Variants in ZMYND8 observed in about 807,000 individuals in gnomAD.
The protein encoded by ZMYND8 is zinc finger MYND-type containing 8, also known as MYND-type zinc finger-containing chromatin reader ZMYND8.
In ZMYND8, 37 loss-of-function variants were observed where a neutral mutation model predicts 140.8. The ratio of observed to expected loss-of-function variants is 0.26; its 90% CI spans 0.20 to 0.35. The LOEUF is 0.35. Ranked by LOEUF, ZMYND8 falls within the 10% of genes least tolerant of loss-of-function variation. ZMYND8 has a pLI of 1.00. For synonymous variants in ZMYND8, 592 were observed against 597.1 expected (o/e 0.99, Z 0.12); for missense variants, 1,068 against 1,570.0 (o/e 0.68, Z 5.40).
intron 15 of ZMYND8, 92 bp downstream of exon 15, chr20:47,238,666 A>G (rs765442347): frequency 9.2e-6 from 4 of 435,650 alleles, no homozygotes; most frequent in African/African-American, 2.1e-5. Flanking sequence ...AACGAGAACT[A>G]AAAAAAAAAA....
chr20:47,265,420 G>A (rs1361223376), intron 11 of ZMYND8, among the ~76,000 whole-genome samples: 2 of 146,114 alleles, frequency 1.4e-5, no homozygotes, highest in Non-Finnish European at 3.0e-5. Flanking sequence ...TTTCCTGCTC[G>A]ACAGGTCAAG....
chr20:47,262,220 G>A, intron 12 of ZMYND8, 68 bp downstream of exon 12: 6 of 1,606,448 alleles, frequency 3.7e-6, no homozygotes, highest in Non-Finnish European at 5.1e-6. Context: ...ACATACACAA[G>A]AGGATACGTC....
intron 9 of ZMYND8, among the ~76,000 whole-genome samples, chr20:47,282,629 G>A (rs1215988465): frequency 1.3e-5 from 2 of 151,758 alleles, no homozygotes; most frequent in Non-Finnish European, 2.9e-5. Flanking sequence ...AGAGGCTGAG[G>A]CAGGAGAATC....
At chr20:47,221,900 T>C (rs146163924) in intron 19 of ZMYND8, among the ~76,000 whole-genome samples, 1 of 152,266 alleles carries the variant, frequency 6.6e-6, no homozygotes, top group East Asian at 1.9e-4. Flanking sequence ...CTCCTGACCT[T>C]AGGTGATCCA....
At chr20:47,277,305 G>C (rs1326989840) in intron 10 of ZMYND8, among the ~76,000 whole-genome samples, 1 of 152,260 alleles carries the variant, frequency 6.6e-6, no homozygotes, top group Non-Finnish European at 1.5e-5. Context: ...TCGCCTCCAG[G>C]CGTGCACTTT....
intron 14 of ZMYND8, among the ~76,000 whole-genome samples, chr20:47,240,717 G>C (rs1269181126): frequency 6.6e-6 from 1 of 150,926 alleles, no homozygotes; most frequent in African/African-American, 2.4e-5. Context: ...ACCGCACCCA[G>C]CTAATTTTTT....
chr20:47,339,440 A>G (rs1602074879), intron 2 of ZMYND8, among the ~76,000 whole-genome samples: 1 of 152,148 alleles, frequency 6.6e-6, no homozygotes, highest in Middle Eastern at 3.2e-3. Flanking sequence ...AAGTTGATGC[A>G]AATCATAGCT....
intron 11 of ZMYND8, among the ~76,000 whole-genome samples, chr20:47,264,429 A>C (rs941610730): frequency 6.6e-6 from 1 of 152,052 alleles, no homozygotes; most frequent in South Asian, 2.1e-4. Flanking sequence ...GGCTCCTGCT[A>C]TCACACCCGG....
rs1360824166 is a variant in ZMYND8, at chr20:47,238,826, T to G, written c.2597A>C (p.Gln866Pro). The change falls in exon 15 of 23, where the codon CAG becomes CCG. Residue 866 changes from glutamine to proline, a missense_variant. Gln to Pro is a moderately conservative substitution (Grantham distance 76). Around this residue, in one of 10 missense-constraint regions of ZMYND8, gnomAD observed 383 missense variants for 431.2 expected, o/e 0.89. Transcript: ENST00000471951. ...CTGAGGCTGCTGCTGCTGGTTTTGC[T>G]GCTGCTGCTGCTGCTGCTGACGCTG... The part of the protein sequence containing the change: ...KMQRQQQQQQ[Q>P]QNQQQQPQSS... The G allele has an allele frequency of 1.2e-6, 2 of 1,611,894 alleles. No homozygotes were observed. Among genetic ancestry groups the G allele is most frequent in the Non-Finnish European group, 1.7e-6 (2 of 1,179,284 alleles).
At chr20:47,307,137 G>A (rs2078552202) in intron 3 of ZMYND8, among the ~76,000 whole-genome samples, 1 of 152,074 alleles carries the variant, frequency 6.6e-6, no homozygotes, top group East Asian at 1.9e-4. Context: ...AATGGGATTA[G>A]TGCCCTTATA....
chr20:47,355,838 C>G (rs1349791483), intron 1 of ZMYND8, among the ~76,000 whole-genome samples: 1 of 150,046 alleles, frequency 6.7e-6, no homozygotes, highest in East Asian at 1.9e-4. Context: ...ATCTCTCCCC[C>G]CACCCCCCAG....
intron 12 of ZMYND8, among the ~76,000 whole-genome samples, chr20:47,256,000 G>A (rs932194676): frequency 2.7e-5 from 4 of 146,046 alleles, no homozygotes; most frequent in Non-Finnish European, 4.5e-5. Context: ...CCGAACCCAG[G>A]AGGTGGAGGT....
intron 2 of ZMYND8, among the ~76,000 whole-genome samples, chr20:47,345,798 C>T (rs531140115): frequency 4.0e-5 from 6 of 148,972 alleles, no homozygotes; most frequent in African/African-American, 1.0e-4. Flanking sequence ...CGTGAGCCAA[C>T]GCACTCTGTC....
intron 10 of ZMYND8, among the ~76,000 whole-genome samples, chr20:47,278,157 T>A (rs190307827): frequency 4.1e-4 from 63 of 152,294 alleles, no homozygotes; most frequent in African/African-American, 1.3e-3. Context: ...AACTTTTGTA[T>A]ACTTTTGTAG....
intron 18 of ZMYND8, among the ~76,000 whole-genome samples, chr20:47,225,269 A>C (rs1310637794): frequency 6.6e-6 from 1 of 152,116 alleles, no homozygotes; most frequent in African/African-American, 2.4e-5. Context: ...GCTGTAATAA[A>C]AGAAAAATAG....
At chr20:47,327,740 A>G (rs1426176208) in intron 2 of ZMYND8, among the ~76,000 whole-genome samples, 1 of 152,214 alleles carries the variant, frequency 6.6e-6, no homozygotes, top group Non-Finnish European at 1.5e-5. Flanking sequence ...CACTTTGGGT[A>G]GAACTCCAGA....
chr20:47,355,360 T>C (rs2083136531), intron 1 of ZMYND8: 1 of 824,532 alleles, frequency 1.2e-6, no homozygotes, highest in Admixed American at 6.2e-5. Context: ...CCCCAACTCC[T>C]GTAGCCAAGA....
chr20:47,334,053 T>C (rs940936094), intron 2 of ZMYND8, among the ~76,000 whole-genome samples: 1 of 152,234 alleles, frequency 6.6e-6, no homozygotes, highest in Non-Finnish European at 1.5e-5. Flanking sequence ...TCAGAACACT[T>C]AGAGTTAGGC....
chr20:47,287,848 A>ACACGCACACT (rs58560256), intron 7 of ZMYND8, among the ~76,000 whole-genome samples: 98,187 of 151,040 alleles, frequency 0.65, 33,162 homozygotes, highest in African/African-American at 0.85. Context: ...ACACACACAC[A>ACACGCACACT]CACGCACACA....
Sources: gnomAD v4.1 joint callset for allele counts (sites outside exome capture counted in the v4.1 genomes callset) on GRCh38, gnomAD v4.1.1 for gene constraint, gnomAD v4.1.1 regional missense constraint, MANE v1.5 for transcripts, NCBI Gene and HGNC (gene_info 2026-07-23, HGNC 2026-07-21) for gene names.